TMEM114: variants seen among roughly 807,000 people sequenced by gnomAD.
TMEM114 encodes transmembrane protein 114, also known as claudin-26.
TMEM114 carries 6 observed loss-of-function variants against 6.2 expected under a neutral mutation model. That is an observed-to-expected ratio of 0.97 (90% CI 0.53 to 1.91). The LOEUF is 1.91. Among genes scored for constraint, TMEM114 ranks in the 40% most tolerant of loss-of-function variants. The pLI is 0.01. For missense variants in TMEM114, 218 were observed against 158.3 expected (o/e 1.38, Z -2.02); for synonymous variants, 104 against 73.0 (o/e 1.42, Z -2.16).
intron 2 of TMEM114, among the ~76,000 whole-genome samples, chr16:8,538,926 CTGTG>C (rs1434451554): frequency 6.6e-6 from 1 of 152,168 alleles, no homozygotes; most frequent in African/African-American, 2.4e-5. Flanking sequence ...TATAATGTAT[CTGTG>C]TGTGACTTTG....
At chr16:8,541,226 G>A (rs1900507879) in intron 2 of TMEM114, among the ~76,000 whole-genome samples, 1 of 152,160 alleles carries the variant, frequency 6.6e-6, no homozygotes, top group African/African-American at 2.4e-5. Flanking sequence ...TGGGGAAACA[G>A]GCTTGAGGTC....
chr16:8,574,846 C>T (rs1200975977), intron 2 of TMEM114, among the ~76,000 whole-genome samples: 5 of 152,158 alleles, frequency 3.3e-5, no homozygotes, highest in African/African-American at 1.2e-4. Context: ...TGGGTAAGAG[C>T]AAGCCACCCA....
intron 2 of TMEM114, among the ~76,000 whole-genome samples, chr16:8,548,111 G>A (rs576984705): frequency 7.2e-4 from 110 of 152,286 alleles, no homozygotes; most frequent in African/African-American, 2.5e-3. Context: ...TGAAAAGCCT[G>A]TTCTTCAAAT....
chr16:8,562,291 AG>A (rs573809313), intron 2 of TMEM114, among the ~76,000 whole-genome samples: 13,331 of 150,900 alleles, frequency 0.088, 729 homozygotes, highest in Middle Eastern at 0.16. Context: ...TGAGTGAGTG[AG>A]TGAATGAGTG....
At position 8,569,838 on chromosome 16, in the gene TMEM114, C is replaced by T. The variant is rs1285247883; in HGVS notation, c.607G>A (p.Gly203Arg). The T allele has an allele frequency of 2.6e-6, 4 of 1,551,012 alleles. No homozygotes were observed. Among genetic ancestry groups the T allele is most frequent in the Non-Finnish European group, 3.5e-6 (4 of 1,146,950 alleles). The change falls in exon 4 of 4, where the codon GGG (glycine) becomes AGG (arginine). Residue 203 changes from glycine (G) to arginine (R), a missense_variant. Coordinates refer to ENST00000620492, the MANE Select transcript of TMEM114 (RefSeq NM_001146336.2). ...WISFIAELLT[G>R]AAFLAAAREL... ...CGGGCTGCTGCCAGGAAGGCTGCCC[C>T]GGTGAGCAGCTCGGCGATGAAGCTG...
downstream of TMEM114, among the ~76,000 whole-genome samples, chr16:8,568,530 C>T (rs1208591657): frequency 1.3e-5 from 2 of 152,128 alleles, no homozygotes; most frequent in Admixed American, 1.3e-4. Flanking sequence ...AGAAAGTACT[C>T]AGTGGGTGTC....
At chr16:8,543,420 T>C (rs1900572790) in intron 2 of TMEM114, among the ~76,000 whole-genome samples, 1 of 152,098 alleles carries the variant, frequency 6.6e-6, no homozygotes, top group Admixed American at 6.5e-5. Flanking sequence ...ACCTACCAAG[T>C]GCCCCAGTGT....
At chr16:8,548,071 G>A (rs1036397058) in intron 2 of TMEM114, among the ~76,000 whole-genome samples, 4 of 152,136 alleles carry the variant, frequency 2.6e-5, no homozygotes, top group Admixed American at 6.5e-5. Flanking sequence ...CAAGTTTCAC[G>A]CTCCTGGAAC....
At chr16:8,558,247 C>G (rs1243137318) in intron 2 of TMEM114, among the ~76,000 whole-genome samples, 1 of 152,010 alleles carries the variant, frequency 6.6e-6, no homozygotes, top group African/African-American at 2.4e-5. Context: ...GAGTCTGTCT[C>G]AAAAAGAAAA....
intron 2 of TMEM114, among the ~76,000 whole-genome samples, chr16:8,542,149 G>A (rs550851086): frequency 2.0e-5 from 3 of 151,908 alleles, no homozygotes; most frequent in Admixed American, 6.6e-5. Flanking sequence ...TCGTGGGGGG[G>A]GGTCCCTTGA....
chr16:8,579,880 C>G (rs556143957), intron 2 of TMEM114, among the ~76,000 whole-genome samples: 3 of 152,130 alleles, frequency 2.0e-5, no homozygotes, highest in Non-Finnish European at 4.4e-5. Context: ...GGACTGCAGA[C>G]ATGGACACGT....
chr16:8,561,004 G>C (rs142057782), intron 2 of TMEM114, among the ~76,000 whole-genome samples: 2 of 152,332 alleles, frequency 1.3e-5, no homozygotes, highest in East Asian at 1.9e-4. Context: ...CCAAGCAAAA[G>C]AGGGAAACCT....
intron 1 of TMEM114, 95 bp downstream of exon 1, chr16:8,589,524 G>A (rs897215410): frequency 5.0e-6 from 2 of 398,362 alleles, no homozygotes; most frequent in Non-Finnish European, 8.8e-6. Flanking sequence ...GGACTTGGGG[G>A]AGGAGTGCGC....
At position 8,583,327 on chromosome 16, in the gene TMEM114, G is replaced by C. The variant is rs150776441; in HGVS notation, c.301+5886C>G. 7.1e-3 allele frequency among the ~76,000 whole-genome samples: 1,079 copies of C among 152,312 alleles called. 13 individuals carry two copies. Among genetic ancestry groups the C allele is most frequent in the African/African-American group, 0.025 (1,037 of 41,570 alleles). Reference sequence around the variant, plus strand: ...AGGCTCAGGAAGGCAATGTGAATTAGAGCAGGAAGAGGAGGCAATAAGTGA... The same window carrying C: ...AGGCTCAGGAAGGCAATGTGAATTACAGCAGGAAGAGGAGGCAATAAGTGA... On this transcript the variant is annotated intron_variant, in intron 2 of 3. Transcript: ENST00000620492.
intron 2 of TMEM114, among the ~76,000 whole-genome samples, chr16:8,581,515 G>T (rs2141697000): frequency 6.6e-6 from 1 of 152,272 alleles, no homozygotes; most frequent in South Asian, 2.1e-4. Context: ...GTGCAATGGT[G>T]TGATCTCGGC....
At chr16:8,565,325 TA>T (rs552612923), downstream of TMEM114, among the ~76,000 whole-genome samples, 104 of 152,098 alleles carry the variant, frequency 6.8e-4, no homozygotes, top group African/African-American at 2.4e-3. Flanking sequence ...AATGAGTGAG[TA>T]AATGAATGGA....
the TMEM114 span, among the ~76,000 whole-genome samples, chr16:8,531,188 G>C: frequency 6.6e-6 from 1 of 152,232 alleles, no homozygotes; most frequent in Non-Finnish European, 1.5e-5. Flanking sequence ...CACAGTGCTA[G>C]TGTGCTGTTT....
At chr16:8,563,325 A>ATGGGTGAGTGAATGAG (rs1901353540) in intron 2 of TMEM114, among the ~76,000 whole-genome samples, 1 of 115,788 alleles carries the variant, frequency 8.6e-6, no homozygotes, top group African/African-American at 3.4e-5. Context: ...GAGGGAGGGT[A>ATGGGTGAGTGAATGAG]TGAGTGAGTG....
intron 2 of TMEM114, among the ~76,000 whole-genome samples, chr16:8,576,707 GA>G (rs1901942112): frequency 6.4e-4 from 1 of 1,560 alleles, no homozygotes; most frequent in Non-Finnish European, 2.0e-3. Context: ...ATGAGAGCAG[GA>G]AGGAAGGAAG....
Sources: allele counts gnomAD v4.1 joint callset (sites outside exome capture counted in the v4.1 genomes callset), GRCh38; gene constraint gnomAD v4.1.1; transcripts MANE v1.5; gene names NCBI Gene and HGNC (gene_info 2026-07-23, HGNC 2026-07-21).